The following SCYL1 variants were observed in gnomAD, a reference collection of about 807,000 sequenced individuals.
SCYL1 encodes the protein N-terminal kinase-like protein.
A neutral mutation model predicts 94.8 loss-of-function variants in SCYL1; 85 were observed. The observed-to-expected ratio is 0.90, with a 90% CI of 0.75 to 1.07. SCYL1 has a LOEUF of 1.07. Ranked by LOEUF, SCYL1 falls within the 50% of genes least tolerant of loss-of-function variation. The probability of loss-of-function intolerance (pLI) is 0.00; values close to 1 mark genes in which losing one functional copy is unlikely to be tolerated. For synonymous variants in SCYL1, 459 were observed against 435.5 expected, an observed-to-expected ratio of 1.05 and a Z score of -0.67; for missense variants, 968 against 1,083.3, an observed-to-expected ratio of 0.89 and a Z score of 1.49.
At position 65,525,636 on chromosome 11, in the gene SCYL1, C is replaced by G. The variant is rs780271131; in HGVS notation, c.174C>G (p.Thr58=). The change falls in exon 2 of 18, where the codon ACC becomes ACG. Residue 58 remains threonine (T), a synonymous_variant. Coordinates refer to ENST00000270176, the MANE Select transcript of SCYL1 (RefSeq NM_020680.4). ...YDVKPGAEEQ[T]QVAKAAFKRF... is the part of the protein sequence containing the mutation. Reference sequence around the variant, plus strand: ...TGAAGCCTGGCGCGGAAGAGCAGACCCAGGTGGCCAAAGCTGCCTTCAAGC... The same window carrying G: ...TGAAGCCTGGCGCGGAAGAGCAGACGCAGGTGGCCAAAGCTGCCTTCAAGC... The G allele has an allele frequency of 6.2e-6, 10 of 1,612,676 alleles. No individual in the cohort carries two copies. Among genetic ancestry groups the G allele is most frequent in the South Asian group, 2.2e-5 (2 of 91,084 alleles).
At chr11:65,532,482 G>C (rs1039618666) in intron 8 of SCYL1, among the ~76,000 whole-genome samples, 4 of 151,618 alleles carry the variant, frequency 2.6e-5, no homozygotes, top group Non-Finnish European at 5.9e-5. Context: ...AGATGAGCCG[G>C]ACTATGAGCC....
chr11:65,533,854 G>A (rs1024706801), intron 9 of SCYL1, among the ~76,000 whole-genome samples: 3 of 152,040 alleles, frequency 2.0e-5, no homozygotes, highest in Admixed American at 6.6e-5. Context: ...AGGCCGAGGC[G>A]GGTGGATCAC....
rs1231691667 is a variant in SCYL1 at position 65,538,288 on chromosome 11, G to A, written c.2266G>A (p.Gly756Ser). ...PSTQPRPDSWGEDNWEGLETD... is the reference protein window; with the variant it reads ...PSTQPRPDSWSEDNWEGLETD... The stretch of plus-strand genomic sequence containing the variant: ...TTTACAGCCGAGGCCAGACTCTTGG[G>A]GTGAGGACAACTGGGAGGGCCTCGA... Residue 756 changes from glycine (G) to serine (S), a missense_variant, in exon 17 of 18, where the codon GGT becomes AGT. Physicochemically the swap from Gly to Ser is moderately conservative, Grantham distance 56. Coordinates refer to ENST00000270176, the MANE Select transcript of SCYL1 (RefSeq NM_020680.4). 2 of 1,552,868 alleles carry A rather than the reference G, an allele frequency of 1.3e-6. No homozygotes were observed.
intron 10 of SCYL1, 173 bp downstream of exon 10, chr11:65,535,555 C>A (rs187422245): frequency 5.3e-6 from 4 of 753,738 alleles, no homozygotes; most frequent in Non-Finnish European, 8.4e-6. Flanking sequence ...CGAAGTCACA[C>A]AGTCAGGAGG....
rs777758557 is a variant in SCYL1 at position 65,535,997 on chromosome 11, G to A, written c.1431G>A (p.Arg477=). The A allele has an allele frequency of 1.9e-6, 3 of 1,612,336 alleles. No homozygotes were observed. In the South Asian group the frequency reaches 3.3e-5, roughly 18 times the overall value. ...CCTCTGCCTTCAGCCGAGCCACTAG[G>A]GACCCGTTTGCACCGTCCCGGGTTG... The part of the protein sequence containing the change: ...VLTSAFSRAT[R]DPFAPSRVAG... The change falls in exon 11 of 18, where the codon AGG becomes AGA. Residue 477 remains arginine, a synonymous_variant. Transcript: ENST00000270176.
At position 65,534,804 on chromosome 11, in the gene SCYL1, C is replaced by T. The variant is rs80114837; in HGVS notation, c.1231-423C>T. Among the ~76,000 whole-genome samples, 272 of 152,156 alleles carry T rather than the reference C, an allele frequency of 1.8e-3. 6 individuals are homozygous for T. The East Asian group carries it at 0.048, about 27-fold the overall frequency. On this transcript the variant is annotated intron_variant, in intron 9 of 17. Transcript: ENST00000270176. ...CAGGAGGGGGTGGTGTCCTGGAAGA[C>T]CAGAGACCAAAGTTTCAGGGAGGGA...
In SCYL1 at chr11:65,531,615, A is replaced by G; in HGVS notation, c.1048A>G (p.Ile350Val). Reference sequence around the variant, plus strand: ...GAGCGCTGAGGAGTATCAGCAGAAGATCATCCCTGTGGTGGTCAAGATGTT... The same window carrying G: ...GAGCGCTGAGGAGTATCAGCAGAAGGTCATCCCTGTGGTGGTCAAGATGTT... Reference protein sequence around the residue: ...FLSAEEYQQKIIPVVVKMFSS... With the variant: ...FLSAEEYQQKVIPVVVKMFSS... Residue 350 changes from isoleucine (I) to valine (V), a missense_variant, in exon 8 of 18, where the codon ATC (isoleucine) becomes GTC (valine). By Grantham distance (29) the Ile-to-Val change is conservative. Around this residue, in one of 2 missense-constraint regions of SCYL1, gnomAD observed 494 missense variants for 619.7 expected, o/e 0.80. Transcript: ENST00000270176. The G allele has an allele frequency of 6.2e-7, 1 of 1,614,124 alleles. No individual in the cohort carries two copies. Among genetic ancestry groups the G allele is most frequent in the Non-Finnish European group, 8.5e-7 (1 of 1,180,012 alleles).
At chr11:65,534,289 G>A (rs1855539404) in intron 9 of SCYL1, among the ~76,000 whole-genome samples, 1 of 152,116 alleles carries the variant, frequency 6.6e-6, no homozygotes, top group Admixed American at 6.6e-5. Context: ...GTGGGCGCCT[G>A]TAATCCTAGC....
chr11:65,525,143 C>T lies in SCYL1; in HGVS notation c.-11C>T, dbSNP rs1472005570. 5 of 1,317,646 alleles carry T rather than the reference C, an allele frequency of 3.8e-6. No homozygotes were observed. The African/African-American group carries it at 4.7e-5, about 12-fold the overall frequency. The allele number at this position is 1,317,646 out of a possible 1,614,324, so 81.6% of individuals were successfully genotyped here. A position where few individuals can be genotyped will look rare whatever the true frequency, so the allele number is the denominator to read the frequency against. ...GCTAAGGCGCCCGAACCCGCGGCGG[C>T]GGTGGGGACGATGTGGTTCTTTGCC... On this transcript the variant is annotated 5_prime_UTR_variant, in exon 1 of 18. Transcript: ENST00000270176.
In SCYL1 at chr11:65,536,729, C is replaced by T; in HGVS notation, c.1795C>T (p.Pro599Ser). Residue 599 changes from proline (P) to serine (S), a missense_variant, in exon 13 of 18, where the codon CCC (proline) becomes TCC (serine). Around this residue, in one of 2 missense-constraint regions of SCYL1, gnomAD observed 474 missense variants for 463.6 expected, o/e 1.02. Transcript: ENST00000270176. ...CACTGCCCCAACAGAAACCAACATT[C>T]CCCAAAGACCCACGCCTGAAGGTGA... ...PTTAPTETNI[P>S]QRPTPEGVPA... The T allele has an allele frequency of 6.2e-7, 1 of 1,606,360 alleles. No individual in the cohort carries two copies. The highest frequency in any genetic ancestry group is 8.5e-7 in the Non-Finnish European group (1 of 1,173,872).
In SCYL1 at chr11:65,526,722, C is replaced by T. The variant is rs1855101226; in HGVS notation, c.603-61C>T. 1.2e-5 allele frequency: 18 copies of T among 1,524,784 alleles called. No homozygotes were observed. The highest frequency in any genetic ancestry group is 1.5e-5 in the Non-Finnish European group (17 of 1,116,808). The allele number at this position is 1,524,784 out of a possible 1,614,324, so 94.5% of individuals were successfully genotyped here. On this transcript the variant is annotated intron_variant, in intron 4 of 17. Transcript: ENST00000270176. This position sits in a 1 kb window ranked among gnomAD's most constrained non-coding sequence, Gnocchi z 4.1. ...TGCAGTGGGTGCCTGGTGCCCAAGG[C>T]AGGCTGGAGGCCTGTGCAGGTGGTT...
intron 9 of SCYL1, among the ~76,000 whole-genome samples, chr11:65,534,600 C>G (rs1231876325): frequency 6.6e-6 from 1 of 152,084 alleles, no homozygotes; most frequent in Non-Finnish European, 1.5e-5. Flanking sequence ...TTAGGGAAGT[C>G]TGGGCTAGGG....
At position 65,530,692 on chromosome 11, in the gene SCYL1, C is replaced by T. The variant is rs1565072289; in HGVS notation, c.913C>T (p.Pro305Ser). Residue 305 changes from proline to serine, a missense_variant, in exon 7 of 18, where the codon CCT becomes TCT. This residue lies in a region of SCYL1 where 494 missense variants were observed against 619.7 expected (regional missense o/e 0.80). Coordinates refer to ENST00000270176, the MANE Select transcript of SCYL1 (RefSeq NM_020680.4). Reference protein sequence around the residue: ...QELSKSLDAFPEDFCRHKVLP... With the variant: ...QELSKSLDAFSEDFCRHKVLP... ...GCTGAGCAAGAGCCTGGACGCATTCCCTGAGGATTTCTGTCGGCACAAGGT... is the reference window on the plus strand; with the variant it reads ...GCTGAGCAAGAGCCTGGACGCATTCTCTGAGGATTTCTGTCGGCACAAGGT... 1 of 1,614,072 alleles carries T rather than the reference C, an allele frequency of 6.2e-7. No individual in the cohort carries two copies. Among genetic ancestry groups the T allele is most frequent in the Non-Finnish European group, 8.5e-7 (1 of 1,180,014 alleles).
intron 6 of SCYL1, among the ~76,000 whole-genome samples, chr11:65,527,990 G>T (rs1368616467): frequency 2.6e-5 from 4 of 152,154 alleles, no homozygotes; most frequent in Non-Finnish European, 2.9e-5. Flanking sequence ...GGTCCCCAGG[G>T]GTGTAACACC....
In SCYL1 at chr11:65,536,695, G is replaced by C; in HGVS notation, c.1761G>C (p.Ser587=). 6.2e-7 allele frequency: 1 copy of C among 1,612,734 alleles called. No individual in the cohort carries two copies. The highest frequency in any genetic ancestry group is 8.5e-7 in the Non-Finnish European group (1 of 1,178,914). The part of the protein sequence containing the change: ...VSSLTSKLIR[S]HPTTAPTETN... ...CACTCACCTCCAAGCTGATCCGTTCGCACCCAACCACTGCCCCAACAGAAA... is the reference window on the plus strand; with the variant it reads ...CACTCACCTCCAAGCTGATCCGTTCCCACCCAACCACTGCCCCAACAGAAA... Residue 587 remains serine (S), a synonymous_variant, in exon 13 of 18, where the codon TCG becomes TCC. Transcript: ENST00000270176.
In SCYL1 at chr11:65,526,889, CT is replaced by C. The variant is rs1347170670; in HGVS notation, c.693+17del. 1 of 1,612,920 alleles carries C rather than the reference CT, an allele frequency of 6.2e-7. No individual in the cohort carries two copies. Among genetic ancestry groups the C allele is most frequent in the East Asian group, 2.2e-5 (1 of 44,864 alleles). ...CCCTGGGAAGGTAAGTTTCTTGCCC[CT>C]GGCTCTTTGCCCTGCCTCAGCCCCT... On this transcript the variant is annotated intron_variant, in intron 5 of 17. Transcript: ENST00000270176. The surrounding 1 kb of genome is among the most constrained non-coding windows in gnomAD (Gnocchi z 4.1).
chr11:65,535,151 G>A, intron 9 of SCYL1, 76 bp from the exon 10 acceptor site: 1 of 1,566,976 alleles, frequency 6.4e-7, no homozygotes, highest in Non-Finnish European at 8.7e-7. Context: ...TGGGATGAGG[G>A]CTGCCAGGAG....
intron 6 of SCYL1, among the ~76,000 whole-genome samples, chr11:65,529,241 G>A (rs1855248503): frequency 2.0e-5 from 3 of 152,214 alleles, no homozygotes; most frequent in Admixed American, 2.0e-4. Context: ...GGAAGGAGAA[G>A]CTGCTGGAAA....
chr11:65,525,558 C>T lies in SCYL1; in HGVS notation c.112-16C>T, dbSNP rs553382612. 2 of 1,609,728 alleles carry T rather than the reference C, an allele frequency of 1.2e-6. No individual in the cohort carries two copies. Among genetic ancestry groups the T allele is most frequent in the African/African-American group, 2.7e-5 (2 of 75,024 alleles). ...ACAGCTCTGGGACCATCTCAGGCCC[C>T]GCTGCCCTCCCCTAGGCCACAGGCA... On this transcript the variant is annotated splice_polypyrimidine_tract_variant and intron_variant, in intron 1 of 17. Coordinates refer to ENST00000270176, the MANE Select transcript of SCYL1 (RefSeq NM_020680.4).
Sources: gnomAD v4.1 joint callset for allele counts (sites outside exome capture counted in the v4.1 genomes callset) on GRCh38, gnomAD v4.1.1 for gene constraint, gnomAD v4.1.1 regional missense constraint, Gnocchi (gnomAD v3.1) non-coding constraint, MANE v1.5 for transcripts, NCBI Gene and HGNC (gene_info 2026-07-23, HGNC 2026-07-21) for gene names.